SMOC2: variants seen among roughly 807,000 people sequenced by gnomAD.
SMOC2 encodes the protein SPARC-related modular calcium-binding protein 2.
SMOC2 carries 39 observed loss-of-function variants against 61.4 expected under a neutral mutation model. The observed-to-expected ratio is 0.64, with a 90% confidence interval of 0.49 to 0.83. The LOEUF is 0.83. Among genes scored for constraint, SMOC2 ranks in the 40% least tolerant of loss-of-function variants. SMOC2 has a pLI of 0.00. For synonymous variants in SMOC2, 247 were observed against 239.9 expected (o/e 1.03, Z -0.27); for missense variants, 556 against 592.9 (o/e 0.94, Z 0.65).
intron 1 of SMOC2, among the ~76,000 whole-genome samples, chr6:168,503,474 G>A (rs1030056382): frequency 5.9e-5 from 9 of 152,050 alleles, no homozygotes; most frequent in African/African-American, 1.2e-4. Flanking sequence ...AGGCACCTCC[G>A]TCAGCAGGGC....
At chr6:168,541,485 C>T (rs1043107603) in intron 4 of SMOC2, among the ~76,000 whole-genome samples, 1 of 152,174 alleles carries the variant, frequency 6.6e-6, no homozygotes, top group African/African-American at 2.4e-5. Flanking sequence ...ATGACAGCAT[C>T]AGAGTTGCTT....
At chr6:168,549,289 T>C in intron 7 of SMOC2, 86 bp downstream of exon 7, 2 of 1,285,396 alleles carry the variant, frequency 1.6e-6, no homozygotes, top group East Asian at 2.4e-5. Flanking sequence ...TTAAGTGTAT[T>C]GTACAGTTGA....
rs750045396 is a variant in SMOC2, at chr6:168,474,519, T to A, written c.84+33065T>A. On this transcript the variant is annotated intron_variant, in intron 1 of 12. Transcript: ENST00000356284. ...GCTTGGTTCTGGCCTCTCTGTCCTC[T>A]CTCTACAAGCTCTCTGTCAGTAATG... 1.9e-4 allele frequency among the ~76,000 whole-genome samples: 29 copies of A among 152,142 alleles called. 1 individual carries two copies. The highest frequency in any genetic ancestry group is 3.8e-4 in the Non-Finnish European group (26 of 68,008).
In SMOC2 at chr6:168,631,358, G is replaced by A. The variant is rs115811862; in HGVS notation, c.908-19323G>A. Among the ~76,000 whole-genome samples, 452 of 152,338 alleles carry A rather than the reference G, an allele frequency of 3.0e-3. 3 individuals carry two copies. Among genetic ancestry groups the A allele is most frequent in the African/African-American group, 0.01 (418 of 41,568 alleles). ...AGATGACCCCTCAAAGCATTTGGCA[G>A]TGTGCTGGGTTTGAAGTAGGTACAC... On this transcript the variant is annotated intron_variant, in intron 9 of 12. Coordinates refer to ENST00000356284, the MANE Select transcript of SMOC2 (RefSeq NM_001166412.2).
intron 1 of SMOC2, 126 bp from the exon 2 acceptor site, chr6:168,509,789 C>A: frequency 1.2e-6 from 1 of 811,396 alleles, no homozygotes; most frequent in Non-Finnish European, 1.8e-6. Flanking sequence ...GGGGTGAGAA[C>A]CGGGTGGTGT....
intron 1 of SMOC2, among the ~76,000 whole-genome samples, chr6:168,447,778 A>C (rs1781362027): frequency 6.6e-6 from 1 of 151,266 alleles, no homozygotes; most frequent in South Asian, 2.1e-4. Context: ...TTGGATACCG[A>C]GTCTGCTGGA....
At chr6:168,601,522 C>T (rs1004464781) in intron 8 of SMOC2, among the ~76,000 whole-genome samples, 1 of 152,278 alleles carries the variant, frequency 6.6e-6, no homozygotes, top group East Asian at 1.9e-4. Context: ...GTTTCTGTGC[C>T]TAGGTATAGA....
At chr6:168,641,980 T>C (rs1294254438) in intron 9 of SMOC2, among the ~76,000 whole-genome samples, 1 of 151,966 alleles carries the variant, frequency 6.6e-6, no homozygotes, top group Non-Finnish European at 1.5e-5. Flanking sequence ...AAAAGTAGAG[T>C]TAATGCACAA....
chr6:168,489,870 A>G (rs1446352981), intron 1 of SMOC2, among the ~76,000 whole-genome samples: 2 of 152,052 alleles, frequency 1.3e-5, no homozygotes, highest in Non-Finnish European at 2.9e-5. Context: ...CTCTTGGATC[A>G]CAGTTTTAGA....
chr6:168,588,834 T>C (rs1270715119), intron 7 of SMOC2, among the ~76,000 whole-genome samples: 1 of 152,190 alleles, frequency 6.6e-6, no homozygotes, highest in Non-Finnish European at 1.5e-5. Flanking sequence ...GGCTCACGCC[T>C]GTAATCTCAG....
chr6:168,563,939 G>C (rs1011949176), intron 7 of SMOC2, among the ~76,000 whole-genome samples: 1 of 152,124 alleles, frequency 6.6e-6, no homozygotes, highest in African/African-American at 2.4e-5. Context: ...GTGCTCACCT[G>C]CCTCATCTCA....
chr6:168,560,510 C>CTT (rs1784381484), intron 7 of SMOC2, among the ~76,000 whole-genome samples: 3 of 146,256 alleles, frequency 2.1e-5, no homozygotes, highest in South Asian at 2.2e-4. Context: ...AGATGTGAGG[C>CTT]TCTCACTGCG....
At chr6:168,514,777 C>G (rs1212530677) in intron 2 of SMOC2, among the ~76,000 whole-genome samples, 1 of 152,168 alleles carries the variant, frequency 6.6e-6, no homozygotes, top group Non-Finnish European at 1.5e-5. Flanking sequence ...CCTTAGATAA[C>G]TCCAGTCGGA....
intron 9 of SMOC2, among the ~76,000 whole-genome samples, chr6:168,641,203 C>A (rs1485711897): frequency 6.6e-6 from 1 of 152,112 alleles, no homozygotes; most frequent in African/African-American, 2.4e-5. Flanking sequence ...CAGAACACCT[C>A]CTTAAAACAT....
intron 8 of SMOC2, among the ~76,000 whole-genome samples, chr6:168,599,397 CACTG>C (rs1562372587): frequency 2.1e-5 from 2 of 93,806 alleles, no homozygotes; most frequent in African/African-American, 3.6e-5. Context: ...CTCACACACA[CACTG>C]ACACACACAC....
chr6:168,459,924 C>A (rs62424585), intron 1 of SMOC2, among the ~76,000 whole-genome samples: 2 of 152,080 alleles, frequency 1.3e-5, no homozygotes, highest in South Asian at 2.1e-4. Flanking sequence ...GACGCTGGCC[C>A]GATTCATTTT....
At chr6:168,632,835 G>T (rs972294918) in intron 9 of SMOC2, among the ~76,000 whole-genome samples, 2 of 152,164 alleles carry the variant, frequency 1.3e-5, no homozygotes, top group Non-Finnish European at 2.9e-5. Context: ...TCCTTTTGAT[G>T]CCTTTTCCCT....
chr6:168,595,510 A>C (rs141434218), intron 7 of SMOC2, among the ~76,000 whole-genome samples: 2,308 of 152,304 alleles, frequency 0.015, 84 homozygotes, highest in Admixed American at 0.072. Flanking sequence ...GGAGGGAGTG[A>C]CAGTCACAGG....
intron 7 of SMOC2, among the ~76,000 whole-genome samples, chr6:168,565,458 T>C (rs1410030620): frequency 3.3e-5 from 5 of 152,210 alleles, no homozygotes; most frequent in Non-Finnish European, 7.3e-5. Flanking sequence ...TCCTTAGATG[T>C]CTCCATCTTC....
Sources: allele counts gnomAD v4.1 joint callset (sites outside exome capture counted in the v4.1 genomes callset), GRCh38; gene constraint gnomAD v4.1.1; transcripts MANE v1.5; gene names NCBI Gene and HGNC (gene_info 2026-07-23, HGNC 2026-07-21).